SYCE2: variants seen among roughly 807,000 people sequenced by gnomAD.
SYCE2 encodes central element synaptonemal complex 1.
In SYCE2, 3 loss-of-function variants were observed where a neutral mutation model predicts 27.9. The ratio of observed to expected loss-of-function variants is 0.11; its 90% CI spans 0.05 to 0.28. SYCE2 has a LOEUF of 0.28. Ranked by LOEUF, SYCE2 falls within the 10% of genes least tolerant of loss-of-function variation. The pLI is 1.00. For missense variants in SYCE2, 207 were observed against 263.5 expected (o/e 0.79, Z 1.48); for synonymous variants, 85 against 100.7 (o/e 0.84, Z 0.93).
At chr19:12,905,904 C>A (rs976828286) in intron 2 of SYCE2, among the ~76,000 whole-genome samples, 1 of 152,230 alleles carries the variant, frequency 6.6e-6, no homozygotes, top group Non-Finnish European at 1.5e-5. Context: ...GCATGAGCCA[C>A]TGCGCCTGAC....
Position 12,918,308 on chromosome 19 carries a change from G to C in SYCE2, c.45C>G (p.Asp15Glu), listed in dbSNP as rs773457019. 6.2e-7 allele frequency: 1 copy of C among 1,614,118 alleles called. No individual in the cohort carries two copies. Among genetic ancestry groups the C allele is most frequent in the Non-Finnish European group, 8.5e-7 (1 of 1,180,020 alleles). Reference sequence around the variant, plus strand: ...TCTCCCCCAAGGGCTGCGGTTCCTGGTCTTTGCATTTCACATGGGGCACGT... The same window carrying C: ...TCTCCCCCAAGGGCTGCGGTTCCTGCTCTTTGCATTTCACATGGGGCACGT... ...GVDVPHVKCK[D>E]QEPQPLGESK... is the part of the protein sequence containing the mutation. Residue 15 changes from aspartate to glutamate, a missense_variant, in exon 2 of 6, where the codon GAC becomes GAG. Asp to Glu is a conservative substitution (Grantham distance 45). Coordinates refer to ENST00000293695, the MANE Select transcript of SYCE2 (RefSeq NM_001105578.2).
At chr19:12,905,149 A>G (rs1970910401) in intron 2 of SYCE2, among the ~76,000 whole-genome samples, 1 of 151,990 alleles carries the variant, frequency 6.6e-6, no homozygotes, top group Admixed American at 6.6e-5. Flanking sequence ...CCATTCACAC[A>G]CACGCCCTGA....
chr19:12,908,163 C>T (rs1970973329), intron 2 of SYCE2, among the ~76,000 whole-genome samples: 1 of 151,928 alleles, frequency 6.6e-6, no homozygotes, highest in South Asian at 2.1e-4. Context: ...AAAACAACCA[C>T]AACACACATA....
rs781028895 is a variant in SYCE2 at position 12,899,378 on chromosome 19, G to T, written c.620C>A (p.Ala207Asp). Residue 207 changes from alanine (A) to aspartate (D), a missense_variant, in exon 6 of 6, where the codon GCT becomes GAT. By Grantham distance (126) the Ala-to-Asp change is moderately radical. Transcript: ENST00000293695. The stretch of plus-strand genomic sequence containing the variant: ...ATCTCTGTTGGTCTGTACTTCTGAA[G>T]CAGTGGCCTGGGGATACATGAAAAT... ...SVAETTSQAT[A>D]SEVQTNRDGE... is the part of the protein sequence containing the mutation. 7 of 1,614,162 alleles carry T rather than the reference G, an allele frequency of 4.3e-6. No homozygotes were observed. Among genetic ancestry groups the T allele is most frequent in the Non-Finnish European group, 5.9e-6 (7 of 1,180,016 alleles).
At position 12,919,233 on chromosome 19, in the gene SYCE2, C is replaced by T. The variant is rs201375017; in HGVS notation, c.15+10G>A. ...GCCCCACGCGCGAGAAGGAAACAAG[C>T]GCCGCGTACTCCCTGTCGCTCCATT... is the stretch of plus-strand genomic sequence containing the variant. On this transcript the variant is annotated intron_variant, in intron 1 of 5. Coordinates refer to ENST00000293695, the MANE Select transcript of SYCE2 (RefSeq NM_001105578.2). 1.1e-5 allele frequency: 18 copies of T among 1,611,102 alleles called. No individual in the cohort carries two copies. Among genetic ancestry groups the T allele is most frequent in the Non-Finnish European group, 1.4e-5 (17 of 1,180,022 alleles).
intron 2 of SYCE2, among the ~76,000 whole-genome samples, chr19:12,910,553 A>G (rs1971025819): frequency 6.6e-6 from 1 of 150,896 alleles, no homozygotes; most frequent in Non-Finnish European, 1.5e-5. Context: ...TTGTATTTTT[A>G]GTAGAGACAG....
intron 2 of SYCE2, among the ~76,000 whole-genome samples, chr19:12,909,182 A>G (rs1190163134): frequency 6.6e-6 from 1 of 152,154 alleles, no homozygotes. Context: ...CTTACCCCTC[A>G]TGAGAGAAGC....
intron 2 of SYCE2, among the ~76,000 whole-genome samples, chr19:12,917,892 T>C (rs1458599423): frequency 6.6e-6 from 1 of 151,602 alleles, no homozygotes; most frequent in East Asian, 1.9e-4. Flanking sequence ...CTCCCGACCT[T>C]AGGTGATCCA....
intron 3 of SYCE2, among the ~76,000 whole-genome samples, chr19:12,904,036 CTGCAGGACATA>C (rs1351248467): frequency 6.6e-6 from 1 of 152,196 alleles, no homozygotes; most frequent in Non-Finnish European, 1.5e-5. Flanking sequence ...TCGATGGCTT[CTGCAGGACATA>C]TGGGTGTGAC....
chr19:12,915,542 C>T (rs1217339679), intron 2 of SYCE2, among the ~76,000 whole-genome samples: 2 of 143,890 alleles, frequency 1.4e-5, no homozygotes, highest in African/African-American at 5.2e-5. Flanking sequence ...GGGGAGGTTG[C>T]AGTGAGCCAA....
At chr19:12,900,414 C>G in intron 4 of SYCE2, 46 bp downstream of exon 4, 4 of 1,592,990 alleles carry the variant, frequency 2.5e-6, no homozygotes, top group Non-Finnish European at 3.4e-6. Flanking sequence ...TGGGCCATCC[C>G]TGTCCTCTTC....
At chr19:12,906,366 AATT>A (rs1333242145) in intron 2 of SYCE2, among the ~76,000 whole-genome samples, 1 of 152,222 alleles carries the variant, frequency 6.6e-6, no homozygotes, top group Non-Finnish European at 1.5e-5. Flanking sequence ...ATGTAACTGT[AATT>A]ATGTAATTCA....
intron 5 of SYCE2, 33 bp downstream of exon 5, chr19:12,899,971 C>A (rs1185743185): frequency 1.2e-6 from 2 of 1,612,474 alleles, no homozygotes; most frequent in Non-Finnish European, 1.7e-6. Context: ...CACATCTGAC[C>A]CCAAGGTGTC....
At chr19:12,913,132 C>T (rs1263997583) in intron 2 of SYCE2, among the ~76,000 whole-genome samples, 3 of 152,202 alleles carry the variant, frequency 2.0e-5, no homozygotes, top group East Asian at 1.9e-4. Context: ...GGCCTGCGCC[C>T]GGATTGGGCA....
At chr19:12,899,875 CAGT>C in intron 5 of SYCE2, 126 bp downstream of exon 5, 4 of 1,590,384 alleles carry the variant, frequency 2.5e-6, no homozygotes, top group Non-Finnish European at 2.6e-6. Context: ...ACTGAGTTCA[CAGT>C]GCGCCCTCCC....
intron 3 of SYCE2, among the ~76,000 whole-genome samples, chr19:12,903,531 C>T (rs1970881989): frequency 6.6e-6 from 1 of 151,738 alleles, no homozygotes. Flanking sequence ...GGACTACAGG[C>T]GCGCACCACC....
At chr19:12,913,611 G>A (rs925345427) in intron 2 of SYCE2, among the ~76,000 whole-genome samples, 1 of 152,188 alleles carries the variant, frequency 6.6e-6, no homozygotes, top group East Asian at 1.9e-4. Context: ...CTCTGGAAAC[G>A]TGTTAACATT....
chr19:12,914,951 T>C (rs1971112257), intron 2 of SYCE2, among the ~76,000 whole-genome samples: 1 of 152,230 alleles, frequency 6.6e-6, no homozygotes, highest in African/African-American at 2.4e-5. Flanking sequence ...GCATGTCACT[T>C]CTGTGACCCA....
chr19:12,911,391 G>A (rs1189239931), intron 2 of SYCE2, among the ~76,000 whole-genome samples: 1 of 152,012 alleles, frequency 6.6e-6, no homozygotes, highest in Non-Finnish European at 1.5e-5. Context: ...GCCTTCCAGG[G>A]CCCTGGCCTC....
Sources: allele counts gnomAD v4.1 joint callset (sites outside exome capture counted in the v4.1 genomes callset), GRCh38; gene constraint gnomAD v4.1.1; transcripts MANE v1.5; gene names NCBI Gene and HGNC (gene_info 2026-07-23, HGNC 2026-07-21).